The following CREB5 variants were observed in gnomAD, a reference collection of about 807,000 sequenced individuals.
The protein encoded by CREB5 is cAMP responsive element binding protein 5.
CREB5 carries 19 observed loss-of-function variants against 57.1 expected under a neutral mutation model. The ratio of observed to expected loss-of-function variants is 0.33; its 90% CI spans 0.23 to 0.49. The LOEUF (loss-of-function observed/expected upper bound fraction) is 0.49, where lower values mean the gene tolerates loss of function less well. Among genes scored for constraint, CREB5 ranks in the 20% least tolerant of loss-of-function variants. The probability of loss-of-function intolerance (pLI) is 0.99; values close to 1 mark genes in which losing one functional copy is unlikely to be tolerated. For synonymous variants in CREB5, 238 were observed against 238.3 expected, an observed-to-expected ratio of 1.00 and a Z score of 0.01; for missense variants, 579 against 671.6, an observed-to-expected ratio of 0.86 and a Z score of 1.52.
Position 28,412,871 on chromosome 7 carries a change from G to T in CREB5, c.-44G>T. On this transcript the variant is annotated 5_prime_UTR_variant, in exon 1 of 11. Transcript: ENST00000357727. ...AGAAAGGAAGAAAAAACTTGATTTGGTGACTGCAGGAAGCAACACGTTGCT... is the reference window on the plus strand; with the variant it reads ...AGAAAGGAAGAAAAAACTTGATTTGTTGACTGCAGGAAGCAACACGTTGCT... The T allele has an allele frequency of 6.9e-7, 1 of 1,456,508 alleles. No individual in the cohort carries two copies. The highest frequency in any genetic ancestry group is 9.1e-7 in the Non-Finnish European group (1 of 1,100,784). 90.2% of individuals were successfully genotyped at this position (1,456,508 alleles called of 1,614,324 possible).
intron 5 of CREB5, among the ~76,000 whole-genome samples, chr7:28,608,111 TCTCACACACACTCACA>T (rs1168523254): frequency 3.5e-4 from 38 of 109,448 alleles, no homozygotes; most frequent in African/African-American, 1.4e-3. Context: ...TCTCTCTCTC[TCTCACACACACTCACA>T]CACACACACA....
chr7:28,532,806 T>C (rs990872551), intron 4 of CREB5, among the ~76,000 whole-genome samples: 4 of 152,234 alleles, frequency 2.6e-5, no homozygotes, highest in African/African-American at 9.6e-5. Flanking sequence ...TTGCCAGCTA[T>C]GTAATCATAG....
At chr7:28,798,184 T>G (rs887611189) in intron 7 of CREB5, among the ~76,000 whole-genome samples, 2 of 152,344 alleles carry the variant, frequency 1.3e-5, no homozygotes, top group East Asian at 3.9e-4. Flanking sequence ...GAAAGAATAC[T>G]CCAACCTTCC....
intron 5 of CREB5, among the ~76,000 whole-genome samples, chr7:28,589,533 G>A (rs923748278): frequency 2.6e-5 from 4 of 151,820 alleles, no homozygotes; most frequent in East Asian, 1.9e-4. Flanking sequence ...CAGGCTGGGC[G>A]ACAGAGCGAC....
intron 4 of CREB5, among the ~76,000 whole-genome samples, chr7:28,531,887 G>A (rs1228309694): frequency 6.6e-6 from 1 of 152,074 alleles, no homozygotes. Flanking sequence ...AAATTAGCCG[G>A]GTGTGGTGGC....
At chr7:28,306,555 GT>G (rs869277871) in intron 1 of CREB5, among the ~76,000 whole-genome samples, 35 of 58,090 alleles carry the variant, frequency 6.0e-4, no homozygotes, top group African/African-American at 2.1e-3. Context: ...TGTTTTTTTT[GT>G]TTTTTTTTTT....
At chr7:28,682,814 T>C (rs1800671017) in intron 5 of CREB5, among the ~76,000 whole-genome samples, 1 of 152,186 alleles carries the variant, frequency 6.6e-6, no homozygotes, top group Non-Finnish European at 1.5e-5. Context: ...AGTTGGCTGT[T>C]GAGCCCCTCC....
At chr7:28,709,238 C>T (rs569441888) in intron 5 of CREB5, among the ~76,000 whole-genome samples, 1 of 152,096 alleles carries the variant, frequency 6.6e-6, no homozygotes, top group African/African-American at 2.4e-5. Context: ...ATGGGTAAAG[C>T]CAACTGTTCA....
chr7:28,534,051 T>C (rs1219602296), intron 4 of CREB5, among the ~76,000 whole-genome samples: 1 of 152,226 alleles, frequency 6.6e-6, no homozygotes, highest in African/African-American at 2.4e-5. Context: ...GTGAACACTA[T>C]GATCCTGACA....
intron 3 of CREB5, among the ~76,000 whole-genome samples, chr7:28,499,067 T>G (rs1036927942): frequency 2.6e-5 from 4 of 151,840 alleles, no homozygotes; most frequent in Admixed American, 2.6e-4. Flanking sequence ...AGGGTGGTGT[T>G]TGAGTCTATT....
intron 1 of CREB5, among the ~76,000 whole-genome samples, chr7:28,344,324 CAT>C (rs1437432006): frequency 6.6e-6 from 1 of 152,074 alleles, no homozygotes; most frequent in African/African-American, 2.4e-5. Flanking sequence ...TTGATTTTTA[CAT>C]ATGATGAGAA....
At chr7:28,747,873 A>T (rs532458237) in intron 7 of CREB5, among the ~76,000 whole-genome samples, 1 of 152,300 alleles carries the variant, frequency 6.6e-6, no homozygotes, top group South Asian at 2.1e-4. Context: ...CCTCCCCTGA[A>T]GAAACACACT....
At chr7:28,748,352 G>T (rs1230938890) in intron 7 of CREB5, among the ~76,000 whole-genome samples, 1 of 152,156 alleles carries the variant, frequency 6.6e-6, no homozygotes, top group Non-Finnish European at 1.5e-5. Context: ...TGAAATCCCA[G>T]TTATCACTCT....
At chr7:28,358,564 A>G (rs1039566982) in intron 1 of CREB5, among the ~76,000 whole-genome samples, 4 of 152,222 alleles carry the variant, frequency 2.6e-5, no homozygotes, top group African/African-American at 4.8e-5. Flanking sequence ...TTGATTGCCA[A>G]TTAGCCAGAA....
chr7:28,754,238 C>T (rs1005943093), intron 7 of CREB5, among the ~76,000 whole-genome samples: 5 of 152,160 alleles, frequency 3.3e-5, no homozygotes, highest in African/African-American at 1.2e-4. Context: ...TTTCTTAAAG[C>T]CACAGAACTG....
At chr7:28,565,452 G>A (rs1472819198) in intron 4 of CREB5, among the ~76,000 whole-genome samples, 1 of 152,140 alleles carries the variant, frequency 6.6e-6, no homozygotes, top group Non-Finnish European at 1.5e-5. Context: ...GCATGGTATT[G>A]GTGATGGTGA....
At chr7:28,311,684 C>A (rs1183163478) in intron 1 of CREB5, among the ~76,000 whole-genome samples, 1 of 152,186 alleles carries the variant, frequency 6.6e-6, no homozygotes, top group Non-Finnish European at 1.5e-5. Context: ...GAGTCAGGAG[C>A]CCTGGGCGCT....
chr7:28,669,865 G>A (rs1037118570), intron 5 of CREB5, among the ~76,000 whole-genome samples: 1 of 152,180 alleles, frequency 6.6e-6, no homozygotes, highest in African/African-American at 2.4e-5. Context: ...GTAACTCTCA[G>A]CTCAAAGCCA....
In CREB5 at chr7:28,560,869, C is replaced by CGTGCGT. The variant is rs1795122091; in HGVS notation, c.292-9491_292-9490insTGTGCG. On this transcript the variant is annotated intron_variant, in intron 4 of 10. Coordinates refer to ENST00000357727, the MANE Select transcript of CREB5 (RefSeq NM_182898.4). ...GCGCGTGTGTGTGTGCGTGTGCCTG[C>CGTGCGT]GTGCGCGTGCGTGCGTGCGTGTGTG... Among the ~76,000 whole-genome samples, 14 of 28,602 alleles carry CGTGCGT rather than the reference C, an allele frequency of 4.9e-4. 2 individuals carry two copies. Among genetic ancestry groups the CGTGCGT allele is most frequent in the East Asian group, 1.9e-3 (1 of 518 alleles). 18.8% of individuals were successfully genotyped at this position (28,602 alleles called of 152,430 possible).
Sources: gnomAD v4.1 joint callset for allele counts (sites outside exome capture counted in the v4.1 genomes callset) on GRCh38, gnomAD v4.1.1 for gene constraint, MANE v1.5 for transcripts, NCBI Gene and HGNC (gene_info 2026-07-23, HGNC 2026-07-21) for gene names.